The following RUSC2 variants were observed in gnomAD, a reference collection of about 807,000 sequenced individuals.
The protein encoded by RUSC2 is RUN and SH3 domain containing 2.
In RUSC2, 34 loss-of-function variants were observed where a neutral mutation model predicts 122.2. The observed-to-expected ratio is 0.28, with a 90% CI of 0.21 to 0.37. RUSC2 has a LOEUF of 0.37. Among genes scored for constraint, RUSC2 ranks in the 10% least tolerant of loss-of-function variants. The pLI is 1.00. For synonymous variants in RUSC2, 784 were observed against 790.0 expected, an observed-to-expected ratio of 0.99 and a Z score of 0.13; for missense variants, 1,747 against 1,952.4, an observed-to-expected ratio of 0.89 and a Z score of 1.98.
chr9:35,494,488 T>C (rs1050162501), intron 1 of RUSC2, among the ~76,000 whole-genome samples: 1 of 152,062 alleles, frequency 6.6e-6, no homozygotes, highest in African/African-American at 2.4e-5. Context: ...AATATAACCA[T>C]CCTAAGCAGT....
At chr9:35,504,915 G>A (rs1446498514) in intron 1 of RUSC2, among the ~76,000 whole-genome samples, 1 of 152,186 alleles carries the variant, frequency 6.6e-6, no homozygotes, top group African/African-American at 2.4e-5. Flanking sequence ...GGGGGCGAAT[G>A]GGGATTTGCT....
chr9:35,509,153 C>T (rs1397130461), intron 1 of RUSC2, among the ~76,000 whole-genome samples: 2 of 152,118 alleles, frequency 1.3e-5, no homozygotes, highest in South Asian at 2.1e-4. Context: ...TCAAGACCCT[C>T]GTCTCTTCAA....
At chr9:35,534,136 T>C (rs529652228) in intron 1 of RUSC2, among the ~76,000 whole-genome samples, 6 of 152,342 alleles carry the variant, frequency 3.9e-5, no homozygotes, top group African/African-American at 1.4e-4. Context: ...GCCTGCCTTT[T>C]TTTATTTTAG....
intron 1 of RUSC2, among the ~76,000 whole-genome samples, chr9:35,544,700 A>G (rs1406813454): frequency 6.6e-6 from 1 of 151,086 alleles, no homozygotes; most frequent in Non-Finnish European, 1.5e-5. Flanking sequence ...ATTTTCTCCC[A>G]TTTTATGGAT....
chr9:35,525,133 G>C (rs1821300520), intron 1 of RUSC2, among the ~76,000 whole-genome samples: 1 of 152,186 alleles, frequency 6.6e-6, no homozygotes, highest in South Asian at 2.1e-4. Context: ...GAAACCCCCA[G>C]AGAATTTGAC....
chr9:35,538,532 A>C (rs1205130755), intron 1 of RUSC2: 1 of 152,386 alleles, frequency 6.6e-6, no homozygotes, highest in African/African-American at 2.4e-5. Context: ...AGAGTCATTC[A>C]CAATGGGCAA....
rs1822039792 is a variant in RUSC2 at position 35,557,193 on chromosome 9, G to A, written c.2984-721G>A. Among the ~76,000 whole-genome samples, 1 of 152,144 alleles carries A rather than the reference G, an allele frequency of 6.6e-6. No homozygotes were observed. The highest frequency in any genetic ancestry group is 1.5e-5 in the Non-Finnish European group (1 of 68,022). ...AAGAACATTTTTAGGGAGATGGAGAGAACTGAGCATAATTGTGGGCTGAAG... is the reference window on the plus strand; with the variant it reads ...AAGAACATTTTTAGGGAGATGGAGAAAACTGAGCATAATTGTGGGCTGAAG... On this transcript the variant is annotated intron_variant, in intron 5 of 11. Transcript: ENST00000361226. The surrounding 1 kb of genome is among the most constrained non-coding windows in gnomAD (Gnocchi z 4.6).
intron 1 of RUSC2, among the ~76,000 whole-genome samples, chr9:35,494,321 C>T (rs565375840): frequency 6.6e-6 from 1 of 152,056 alleles, no homozygotes; most frequent in Non-Finnish European, 1.5e-5. Context: ...CAAAAATTAG[C>T]CAGGCATGGT....
intron 2 of RUSC2, among the ~76,000 whole-genome samples, chr9:35,554,805 C>T (rs1029570002): frequency 6.6e-6 from 1 of 151,242 alleles, no homozygotes; most frequent in Non-Finnish European, 1.5e-5. Context: ...CCTTAAGATA[C>T]ACTCACCTTT....
chr9:35,524,970 CAAA>C (rs931642143), intron 1 of RUSC2, among the ~76,000 whole-genome samples: 1 of 107,962 alleles, frequency 9.3e-6, no homozygotes, highest in Non-Finnish European at 1.9e-5. Flanking sequence ...GACTCCATCT[CAAA>C]AAAAAAAAAA....
intron 1 of RUSC2, among the ~76,000 whole-genome samples, chr9:35,495,359 A>G (rs10453174): frequency 8.2e-5 from 12 of 146,556 alleles, no homozygotes; most frequent in African/African-American, 2.8e-4. Flanking sequence ...AATGTAAGAT[A>G]AGGGTCTAAC....
intron 1 of RUSC2, among the ~76,000 whole-genome samples, chr9:35,492,226 A>G (rs1820582065): frequency 6.6e-6 from 1 of 152,106 alleles, no homozygotes; most frequent in Admixed American, 6.6e-5. Context: ...AACAACAGGG[A>G]GTCCTGTATT....
chr9:35,490,723 T>A (rs1820550179), intron 1 of RUSC2, among the ~76,000 whole-genome samples: 1 of 152,180 alleles, frequency 6.6e-6, no homozygotes, highest in Admixed American at 6.5e-5. Context: ...TCTCTGTCTC[T>A]CTGTCATCCA....
At chr9:35,553,400 C>T (rs995756758) in intron 2 of RUSC2, among the ~76,000 whole-genome samples, 1 of 152,134 alleles carries the variant, frequency 6.6e-6, no homozygotes, top group Non-Finnish European at 1.5e-5. Context: ...ATTATGGATC[C>T]AGCAGTGAAC....
At chr9:35,505,971 G>T (rs1273843250) in intron 1 of RUSC2, among the ~76,000 whole-genome samples, 2 of 152,084 alleles carry the variant, frequency 1.3e-5, no homozygotes, top group Non-Finnish European at 2.9e-5. Flanking sequence ...ATTCAATATT[G>T]TTCTGGAAAT....
chr9:35,497,935 A>G (rs1470409327), intron 1 of RUSC2, among the ~76,000 whole-genome samples: 1 of 152,208 alleles, frequency 6.6e-6, no homozygotes, highest in Admixed American at 6.5e-5. Context: ...AAAATTATAC[A>G]TGTACTACAG....
At chr9:35,508,786 G>A (rs1820962216) in intron 1 of RUSC2, among the ~76,000 whole-genome samples, 1 of 152,174 alleles carries the variant, frequency 6.6e-6, no homozygotes, top group Admixed American at 6.5e-5. Flanking sequence ...TCTCAGGTAT[G>A]TTATTCCATC....
At position 35,560,290 on chromosome 9, in the gene RUSC2, C is replaced by T. The variant is rs1017847843; in HGVS notation, c.3650C>T (p.Pro1217Leu). ...GCCCGGGCCCGGGGCCAGGAGGGCC[C>T]TGGAGACGTGGACAGGGCAGCCCAA... ...QLARARGQEG[P>L]GDVDRAAQGE... The change falls in exon 10 of 12, where the codon CCT (proline) becomes CTT (leucine). Residue 1217 changes from proline (P) to leucine (L), a missense_variant. By Grantham distance (98) the Pro-to-Leu change is moderately conservative. Transcript: ENST00000361226. 12 of 1,595,058 alleles carry T rather than the reference C, an allele frequency of 7.5e-6. No homozygotes were observed. The highest frequency in any genetic ancestry group is 9.4e-6 in the Non-Finnish European group (11 of 1,170,192).
In RUSC2 at chr9:35,546,486, C is replaced by T. The variant is rs1228585177; in HGVS notation, c.-36C>T. 1 of 1,361,272 alleles carries T rather than the reference C, an allele frequency of 7.3e-7. No individual in the cohort carries two copies. Among genetic ancestry groups the T allele is most frequent in the African/African-American group, 1.5e-5 (1 of 67,226 alleles). 84.3% of individuals were successfully genotyped at this position (1,361,272 alleles called of 1,614,324 possible). A position where few individuals can be genotyped will look rare whatever the true frequency, so the allele number is the denominator to read the frequency against. ...CCCCACTGGGCTCCAGGGACAGTGT[C>T]TGGTGCTGTTGAAGCCCTTATTCGA... On this transcript the variant is annotated 5_prime_UTR_variant, in exon 2 of 12. Coordinates refer to ENST00000361226, the MANE Select transcript of RUSC2 (RefSeq NM_014806.5). This position sits in a 1 kb window ranked among gnomAD's most constrained non-coding sequence, Gnocchi z 4.3.
Sources: gnomAD v4.1 joint callset for allele counts (sites outside exome capture counted in the v4.1 genomes callset) on GRCh38, gnomAD v4.1.1 for gene constraint, Gnocchi (gnomAD v3.1) non-coding constraint, MANE v1.5 for transcripts, NCBI Gene and HGNC (gene_info 2026-07-23, HGNC 2026-07-21) for gene names.